Variants in ACTR3C observed in about 807,000 individuals in gnomAD.
ACTR3C encodes the protein actin-related protein 3C.
A neutral mutation model predicts 26.3 loss-of-function variants in ACTR3C; 18 were observed. That is an observed-to-expected ratio of 0.68 (90% CI 0.47 to 1.01). The LOEUF (loss-of-function observed/expected upper bound fraction) is 1.01. Ranked by LOEUF, ACTR3C falls within the 50% of genes least tolerant of loss-of-function variation. The pLI is 0.00. For missense variants in ACTR3C, 184 were observed against 250.7 expected (o/e 0.73, Z 1.80); for synonymous variants, 55 against 94.5 (o/e 0.58, Z 2.42).
At chr7:150,193,058 T>C in the ACTR3C span, among the ~76,000 whole-genome samples, 2 of 152,220 alleles carry the variant, frequency 1.3e-5, no homozygotes, top group African/African-American at 4.8e-5. Flanking sequence ...TTCGGACTTG[T>C]AGCAGACTTT....
the ACTR3C span, among the ~76,000 whole-genome samples, chr7:149,885,460 G>C: frequency 3.9e-5 from 6 of 152,234 alleles, no homozygotes; most frequent in Non-Finnish European, 5.9e-5. Context: ...GGAGGCCGGG[G>C]GCAGGGAGCT....
the ACTR3C span, among the ~76,000 whole-genome samples, chr7:149,996,350 G>A: frequency 6.6e-6 from 1 of 150,396 alleles, no homozygotes; most frequent in Non-Finnish European, 1.5e-5. Flanking sequence ...GGCTTGGCAT[G>A]ACGGGGGATG....
chr7:150,019,593 AAATAAAAATAATAATAATAATAAT>A, the ACTR3C span, among the ~76,000 whole-genome samples: 1 of 124,474 alleles, frequency 8.0e-6, no homozygotes, highest in African/African-American at 3.2e-5. Flanking sequence ...TCTGTCTCAA[AAATAAAAATAATAATAATAATAAT>A]AATAATAATA....
intron 6 of ACTR3C, among the ~76,000 whole-genome samples, chr7:150,275,378 A>G (rs1834790133): frequency 1.3e-5 from 2 of 152,258 alleles, no homozygotes; most frequent in South Asian, 4.1e-4. Context: ...CCACCTATTT[A>G]CAGTTCATGA....
At chr7:149,919,228 T>G in the ACTR3C span, among the ~76,000 whole-genome samples, 1 of 152,148 alleles carries the variant, frequency 6.6e-6, no homozygotes, top group Non-Finnish European at 1.5e-5. Context: ...TTGTTTGGCT[T>G]ATTTTTGAAC....
the ACTR3C span, among the ~76,000 whole-genome samples, chr7:150,042,218 C>T: frequency 5.6e-4 from 12 of 21,568 alleles, no homozygotes; most frequent in African/African-American, 2.7e-3. Context: ...GTAGCAACAG[C>T]CGGGGGTGGA....
chr7:150,281,779 C>T (rs1018678303), intron 6 of ACTR3C, among the ~76,000 whole-genome samples: 7 of 151,854 alleles, frequency 4.6e-5, no homozygotes, highest in African/African-American at 1.7e-4. Context: ...CTACAACAGG[C>T]TCTCTCCTGC....
chr7:150,026,739 T>C, the ACTR3C span, among the ~76,000 whole-genome samples: 13 of 152,134 alleles, frequency 8.5e-5, no homozygotes, highest in Non-Finnish European at 1.5e-4. Flanking sequence ...CCTCATTAAT[T>C]AATTATGTCA....
the ACTR3C span, among the ~76,000 whole-genome samples, chr7:150,003,766 G>C: frequency 2.6e-5 from 4 of 152,186 alleles, no homozygotes; most frequent in Non-Finnish European, 2.9e-5. Context: ...ATGGTGTACA[G>C]TGTCTGTGGG....
chr7:150,096,650 A>G, the ACTR3C span, among the ~76,000 whole-genome samples: 3 of 151,884 alleles, frequency 2.0e-5, no homozygotes, highest in Admixed American at 6.6e-5. Context: ...AGAGCTTAAG[A>G]GTAATCTAAG....
the ACTR3C span, among the ~76,000 whole-genome samples, chr7:150,125,187 T>G: frequency 6.6e-6 from 1 of 152,008 alleles, no homozygotes; most frequent in African/African-American, 2.4e-5. Context: ...GACCAAGGTC[T>G]TACAGGGAAA....
At chr7:150,180,508 T>TA in the ACTR3C span, among the ~76,000 whole-genome samples, 1 of 141,688 alleles carries the variant, frequency 7.1e-6, no homozygotes, top group Non-Finnish European at 1.5e-5. Context: ...AATAGTAGTA[T>TA]ATCTTTTTTT....
chr7:150,152,478 C>T, the ACTR3C span, among the ~76,000 whole-genome samples: 6 of 152,168 alleles, frequency 3.9e-5, no homozygotes, highest in Admixed American at 3.9e-4. Context: ...CCTTGCATCC[C>T]AGGGATGAAG....
the ACTR3C span, among the ~76,000 whole-genome samples, chr7:149,923,737 C>T: frequency 6.6e-6 from 1 of 152,102 alleles, no homozygotes; most frequent in African/African-American, 2.4e-5. Flanking sequence ...GTGGCTCACC[C>T]CTGTAATCCC....
chr7:150,135,430 C>A, the ACTR3C span, among the ~76,000 whole-genome samples: 1 of 152,094 alleles, frequency 6.6e-6, no homozygotes, highest in African/African-American at 2.4e-5. Context: ...AGGAGCGCTG[C>A]CTAAGGAGGG....
At chr7:150,109,062 A>T in the ACTR3C span, among the ~76,000 whole-genome samples, 14,532 of 152,098 alleles carry the variant, frequency 0.096, 1,004 homozygotes, top group Middle Eastern at 0.19. Flanking sequence ...AGGATTGGAC[A>T]AAGTCATGAT....
At chr7:150,272,972 C>T (rs1347566526) in intron 6 of ACTR3C, among the ~76,000 whole-genome samples, 1 of 140,170 alleles carries the variant, frequency 7.1e-6, no homozygotes, top group Non-Finnish European at 1.5e-5. Flanking sequence ...TGGGATTACA[C>T]ACATGAGCCA....
the ACTR3C span, among the ~76,000 whole-genome samples, chr7:149,944,731 C>G: frequency 6.6e-6 from 1 of 151,824 alleles, no homozygotes; most frequent in Non-Finnish European, 1.5e-5. Flanking sequence ...TTCTCTGTCA[C>G]TGTCCTGTAG....
the ACTR3C span, among the ~76,000 whole-genome samples, chr7:150,065,043 G>C: frequency 2.6e-5 from 4 of 151,742 alleles, no homozygotes; most frequent in Non-Finnish European, 2.9e-5. Flanking sequence ...GGGGTGTTTA[G>C]ATGGATAAAT....
Sources: gnomAD v4.1 joint callset for allele counts (sites outside exome capture counted in the v4.1 genomes callset) on GRCh38, gnomAD v4.1.1 for gene constraint, MANE v1.5 for transcripts, NCBI Gene and HGNC (gene_info 2026-07-23, HGNC 2026-07-21) for gene names.